Variants in LRMDA observed in about 807,000 individuals in gnomAD.
LRMDA encodes the protein leucine rich melanocyte differentiation associated, also known as leucine-rich melanocyte differentiation-associated protein.
In LRMDA, 18 loss-of-function variants were observed where a neutral mutation model predicts 29.8. The observed-to-expected ratio is 0.60, with a 90% CI of 0.42 to 0.90. The LOEUF (loss-of-function observed/expected upper bound fraction) is 0.90, where lower values mean the gene tolerates loss of function less well. Among genes scored for constraint, LRMDA ranks in the 40% least tolerant of loss-of-function variants. The pLI, the probability that LRMDA is intolerant of heterozygous loss-of-function variation, is 0.00. For synonymous variants in LRMDA, 125 were observed against 109.4 expected (o/e 1.14, Z -0.89); for missense variants, 273 against 273.9 (o/e 1.00, Z 0.02).
rs185242376 is a variant in LRMDA at position 75,538,078 on chromosome 10, G to T, written c.131+99584G>T. ...CTGCTCCACCACAGTATACGGTTGG[G>T]GACTATTAGAGCTGGAGAGAATTTT... is the stretch of plus-strand genomic sequence containing the variant. On this transcript the variant is annotated intron_variant, in intron 2 of 6. Transcript: ENST00000611255. Among the ~76,000 whole-genome samples, 10 of 152,296 alleles carry T rather than the reference G, an allele frequency of 6.6e-5. 1 individual carries two copies. The highest frequency in any genetic ancestry group is 2.4e-4 in the African/African-American group (10 of 41,562).
intron 5 of LRMDA, among the ~76,000 whole-genome samples, chr10:76,307,427 A>G (rs1005323404): frequency 6.6e-6 from 1 of 152,078 alleles, no homozygotes; most frequent in African/African-American, 2.4e-5. Context: ...CTTACACAGG[A>G]GGTCGTCTGC....
At chr10:76,023,159 G>A (rs916406825) in intron 2 of LRMDA, among the ~76,000 whole-genome samples, 1 of 151,456 alleles carries the variant, frequency 6.6e-6, no homozygotes, top group Non-Finnish European at 1.5e-5. Context: ...CATCCATTAT[G>A]GCTTCTTATC....
chr10:75,630,174 G>A (rs894556926), intron 2 of LRMDA, among the ~76,000 whole-genome samples: 4 of 152,172 alleles, frequency 2.6e-5, no homozygotes, highest in Non-Finnish European at 5.9e-5. Context: ...CGGCCCTCCT[G>A]CTGCATTTTC....
chr10:75,686,811 C>G (rs1291800863), intron 2 of LRMDA, among the ~76,000 whole-genome samples: 1 of 152,192 alleles, frequency 6.6e-6, no homozygotes, highest in Non-Finnish European at 1.5e-5. Flanking sequence ...CTGTATTGAG[C>G]AGGTCTGTTG....
At chr10:75,755,510 A>C (rs575210294) in intron 2 of LRMDA, among the ~76,000 whole-genome samples, 1 of 152,358 alleles carries the variant, frequency 6.6e-6, no homozygotes, top group South Asian at 2.1e-4. Flanking sequence ...GGTATAAACA[A>C]GACAAGTATC....
intron 2 of LRMDA, among the ~76,000 whole-genome samples, chr10:75,600,835 T>C (rs555783559): frequency 6.6e-6 from 1 of 152,380 alleles, no homozygotes; most frequent in East Asian, 1.9e-4. Context: ...GGCTATGATC[T>C]ACTAATCCTT....
chr10:75,496,551 A>G (rs1845046129), intron 2 of LRMDA, among the ~76,000 whole-genome samples: 1 of 152,188 alleles, frequency 6.6e-6, no homozygotes, highest in Admixed American at 6.5e-5. Context: ...AATAACCCTC[A>G]TCTTTTTGTG....
At chr10:75,975,430 A>G (rs527577610) in intron 2 of LRMDA, among the ~76,000 whole-genome samples, 10 of 152,288 alleles carry the variant, frequency 6.6e-5, no homozygotes, top group Admixed American at 2.6e-4. Context: ...AGTGAATTGG[A>G]TAGAGGAATC....
At chr10:76,462,675 C>T (rs1199922521) in intron 6 of LRMDA, among the ~76,000 whole-genome samples, 2 of 152,148 alleles carry the variant, frequency 1.3e-5, no homozygotes, top group Non-Finnish European at 2.9e-5. Context: ...TCAAGGGAGC[C>T]GTTTCCAGCA....
chr10:75,613,037 C>T (rs989683310), intron 2 of LRMDA, among the ~76,000 whole-genome samples: 4 of 151,898 alleles, frequency 2.6e-5, no homozygotes, highest in African/African-American at 4.8e-5. Flanking sequence ...CTTCTTTTGA[C>T]GTTCCTGGGC....
At chr10:75,898,631 G>A (rs1449462656) in intron 2 of LRMDA, among the ~76,000 whole-genome samples, 2 of 152,008 alleles carry the variant, frequency 1.3e-5, no homozygotes, top group African/African-American at 4.8e-5. Flanking sequence ...CACACATTTT[G>A]GGGAATTTCT....
intron 2 of LRMDA, among the ~76,000 whole-genome samples, chr10:75,820,418 A>T (rs1486279561): frequency 6.6e-6 from 1 of 152,260 alleles, no homozygotes; most frequent in East Asian, 1.9e-4. Flanking sequence ...TGGGTCAATG[A>T]TGAAATTAAG....
intron 2 of LRMDA, among the ~76,000 whole-genome samples, chr10:76,018,358 G>A (rs1400446629): frequency 6.6e-6 from 1 of 152,130 alleles, no homozygotes; most frequent in Non-Finnish European, 1.5e-5. Flanking sequence ...GATGTTGCCA[G>A]AAGTCCCTTG....
chr10:76,010,469 T>C (rs994514170), intron 2 of LRMDA, among the ~76,000 whole-genome samples: 10 of 152,018 alleles, frequency 6.6e-5, no homozygotes, highest in Non-Finnish European at 1.2e-4. Flanking sequence ...CTCACTACCA[T>C]GCCTGGCTAA....
intron 4 of LRMDA, among the ~76,000 whole-genome samples, chr10:76,058,382 G>A (rs1210364039): frequency 2.0e-5 from 3 of 152,212 alleles, no homozygotes; most frequent in Non-Finnish European, 4.4e-5. Context: ...CGTTGATAGG[G>A]TGCCACTGGC....
At chr10:75,949,023 G>A (rs930181712) in intron 2 of LRMDA, among the ~76,000 whole-genome samples, 1 of 151,942 alleles carries the variant, frequency 6.6e-6, no homozygotes, top group Non-Finnish European at 1.5e-5. Context: ...TGTAAAATGT[G>A]TGTGTGTGCA....
At position 76,558,132 on chromosome 10, in the gene LRMDA, T is replaced by C. The variant is rs553150935; in HGVS notation, c.*844T>C. ...TTTGGTTGCACCAGGGACTCTTATT[T>C]ATTAATTTATTTTTAACCGTACACA... On this transcript the variant is annotated 3_prime_UTR_variant, in exon 7 of 7. Transcript: ENST00000611255. 2.0e-5 allele frequency: 3 copies of C among 152,366 alleles called. No homozygotes were observed. The highest frequency in any genetic ancestry group is 7.2e-5 in the African/African-American group (3 of 41,580). The allele number at this position is 152,366 out of a possible 1,614,324, so 9.4% of individuals were successfully genotyped here. A position where few individuals can be genotyped will look rare whatever the true frequency, so the allele number is the denominator to read the frequency against.
At chr10:76,163,071 C>T (rs767145265) in intron 5 of LRMDA, among the ~76,000 whole-genome samples, 5 of 152,144 alleles carry the variant, frequency 3.3e-5, no homozygotes, top group Non-Finnish European at 7.4e-5. Flanking sequence ...ATTATTAAAA[C>T]GTGAGCTTCT....
intron 5 of LRMDA, among the ~76,000 whole-genome samples, chr10:76,205,478 G>T (rs927465994): frequency 6.6e-6 from 1 of 152,138 alleles, no homozygotes; most frequent in Non-Finnish European, 1.5e-5. Context: ...AATCCAAAGA[G>T]TTGCTCAGTG....
Sources: gnomAD v4.1 joint callset for allele counts (sites outside exome capture counted in the v4.1 genomes callset) on GRCh38, gnomAD v4.1.1 for gene constraint, MANE v1.5 for transcripts, NCBI Gene and HGNC (gene_info 2026-07-23, HGNC 2026-07-21) for gene names.